The following GALNT13 variants were observed in gnomAD, a reference collection of about 807,000 sequenced individuals.
The protein encoded by GALNT13 is polypeptide N-acetylgalactosaminyltransferase 13.
In GALNT13, 28 loss-of-function variants were observed where a neutral mutation model predicts 64.2. That is an observed-to-expected ratio of 0.44 (90% CI 0.32 to 0.60). GALNT13 has a LOEUF of 0.60. Ranked by LOEUF, GALNT13 falls within the 20% of genes least tolerant of loss-of-function variation. GALNT13 has a pLI of 0.05. For synonymous variants in GALNT13, 214 were observed against 224.6 expected (o/e 0.95, Z 0.42); for missense variants, 577 against 669.8 (o/e 0.86, Z 1.53).
chr2:153,706,119 C>T, the GALNT13 span, among the ~76,000 whole-genome samples: 2 of 152,184 alleles, frequency 1.3e-5, no homozygotes, highest in African/African-American at 2.4e-5. Flanking sequence ...GCCTCAGCCT[C>T]CACATTAGCT....
the GALNT13 span, among the ~76,000 whole-genome samples, chr2:153,113,793 T>C: frequency 3.3e-5 from 5 of 152,226 alleles, no homozygotes; most frequent in South Asian, 2.1e-4. Flanking sequence ...GTTAGACACC[T>C]CATTTCTTAT....
chr2:153,439,669 A>G, the GALNT13 span, among the ~76,000 whole-genome samples: 1 of 152,180 alleles, frequency 6.6e-6, no homozygotes, highest in Non-Finnish European at 1.5e-5. Flanking sequence ...CTGTTGGAAA[A>G]GCATAGTATT....
the GALNT13 span, among the ~76,000 whole-genome samples, chr2:153,403,492 C>G: frequency 4.6e-5 from 7 of 152,216 alleles, no homozygotes; most frequent in African/African-American, 1.7e-4. Flanking sequence ...TTTACCTAAT[C>G]AAGCCTGGGC....
chr2:153,220,802 A>C, the GALNT13 span, among the ~76,000 whole-genome samples: 1 of 152,256 alleles, frequency 6.6e-6, no homozygotes, highest in African/African-American at 2.4e-5. Flanking sequence ...AAAGAGAAAA[A>C]ATAATAAATA....
chr2:153,964,083 A>G (rs1201114525), intron 3 of GALNT13, among the ~76,000 whole-genome samples: 2 of 152,056 alleles, frequency 1.3e-5, no homozygotes, highest in Non-Finnish European at 2.9e-5. Flanking sequence ...TTCCCCCCCA[A>G]AAGAAACCCT....
chr2:153,645,537 A>G, the GALNT13 span, among the ~76,000 whole-genome samples: 2 of 152,090 alleles, frequency 1.3e-5, no homozygotes, highest in Admixed American at 6.6e-5. Context: ...CAAATAGAAT[A>G]CTTTTTATTG....
At chr2:154,016,762 T>A (rs1277333938) in intron 3 of GALNT13, among the ~76,000 whole-genome samples, 1 of 152,202 alleles carries the variant, frequency 6.6e-6, no homozygotes, top group African/African-American at 2.4e-5. Context: ...ATTTGAGGAT[T>A]TATATAAAAC....
the GALNT13 span, among the ~76,000 whole-genome samples, chr2:153,209,608 A>G: frequency 6.6e-6 from 1 of 152,032 alleles, no homozygotes; most frequent in Admixed American, 6.6e-5. Flanking sequence ...GAGTCCTCCA[A>G]CTTATATCTT....
chr2:153,425,627 G>A, the GALNT13 span, among the ~76,000 whole-genome samples: 1 of 151,732 alleles, frequency 6.6e-6, no homozygotes, highest in East Asian at 1.9e-4. Context: ...CACATATTAA[G>A]TCTATGAGAA....
the GALNT13 span, among the ~76,000 whole-genome samples, chr2:153,162,231 C>A: frequency 6.6e-6 from 1 of 152,310 alleles, no homozygotes; most frequent in South Asian, 2.1e-4. Flanking sequence ...TTTCTTGGTA[C>A]AGGGTTATTT....
At chr2:153,421,138 C>T in the GALNT13 span, 1 of 251,956 alleles carries the variant, frequency 4.0e-6, no homozygotes. Context: ...TCAAAGTGAG[C>T]ACTGGTGACC....
At chr2:154,160,602 C>T (rs2105662859) in intron 4 of GALNT13, among the ~76,000 whole-genome samples, 1 of 152,226 alleles carries the variant, frequency 6.6e-6, no homozygotes, top group East Asian at 1.9e-4. Flanking sequence ...TATCCCATCA[C>T]ATTCTGTCAT....
At chr2:153,827,120 C>A in the GALNT13 span, among the ~76,000 whole-genome samples, 3 of 151,888 alleles carry the variant, frequency 2.0e-5, no homozygotes, top group Non-Finnish European at 4.4e-5. Flanking sequence ...GGAAGGCAAG[C>A]AGGAGCAAGT....
intron 3 of GALNT13, among the ~76,000 whole-genome samples, chr2:153,950,554 A>G (rs1692098874): frequency 6.6e-6 from 1 of 152,108 alleles, no homozygotes; most frequent in Admixed American, 6.6e-5. Flanking sequence ...TTCATATATA[A>G]CTCAGCACTT....
the GALNT13 span, among the ~76,000 whole-genome samples, chr2:153,833,936 A>T: frequency 0.039 from 5,975 of 152,208 alleles, 180 homozygotes; most frequent in Non-Finnish European, 0.058. Context: ...AATATTGGAC[A>T]GCCATACCTT....
chr2:153,341,998 A>G, the GALNT13 span, among the ~76,000 whole-genome samples: 1 of 152,208 alleles, frequency 6.6e-6, no homozygotes, highest in African/African-American at 2.4e-5. Flanking sequence ...ATGAGATCAA[A>G]TCATTCCCCT....
chr2:153,487,816 C>T, the GALNT13 span, among the ~76,000 whole-genome samples: 6 of 152,132 alleles, frequency 3.9e-5, no homozygotes, highest in Admixed American at 3.3e-4. Flanking sequence ...AGTTTGGGAA[C>T]AATCAAGGAA....
the GALNT13 span, among the ~76,000 whole-genome samples, chr2:153,777,684 C>T: frequency 6.6e-6 from 1 of 152,140 alleles, no homozygotes; most frequent in Non-Finnish European, 1.5e-5. Context: ...TCTTCAGTGC[C>T]TCACTGCTCA....
Position 154,327,135 on chromosome 2 carries a change from T to A in GALNT13, c.1156+25546T>A, listed in dbSNP as rs186530449. ...TCTCACTATCACTATCCCATAATAG[T>A]GAGTGAGATCTCACGAGATCTGACG... On this transcript the variant is annotated intron_variant, in intron 9 of 12. Transcript: ENST00000392825. 8.8e-4 allele frequency among the ~76,000 whole-genome samples: 133 copies of A among 151,544 alleles called. 3 individuals are homozygous for A. In the East Asian group the frequency reaches 0.02, roughly 22 times the overall value.
Sources: gnomAD v4.1 joint callset for allele counts (sites outside exome capture counted in the v4.1 genomes callset) on GRCh38, gnomAD v4.1.1 for gene constraint, MANE v1.5 for transcripts, NCBI Gene and HGNC (gene_info 2026-07-23, HGNC 2026-07-21) for gene names.